Variants in HABP4 observed in about 807,000 individuals in gnomAD.
HABP4 encodes intracellular hyaluronan-binding protein 4.
Under a neutral mutation model 44.1 loss-of-function variants are expected in HABP4, and 32 were observed. The observed-to-expected ratio is 0.73, with a 90% CI of 0.55 to 0.97. HABP4 has a LOEUF of 0.97. Among genes scored for constraint, HABP4 ranks in the 50% least tolerant of loss-of-function variants. The pLI, the probability that HABP4 is intolerant of heterozygous loss-of-function variation, is 0.00. For synonymous variants in HABP4, 216 were observed against 218.0 expected, an observed-to-expected ratio of 0.99 and a Z score of 0.08; for missense variants, 503 against 561.9, an observed-to-expected ratio of 0.90 and a Z score of 1.06.
chr9:96,463,801 A>G (rs1036302420), intron 2 of HABP4, among the ~76,000 whole-genome samples: 1 of 152,186 alleles, frequency 6.6e-6, no homozygotes, highest in African/African-American at 2.4e-5. Flanking sequence ...GCGGTTTCTT[A>G]ATGTAACACT....
chr9:96,467,232 G>A (rs2131133551), intron 4 of HABP4, among the ~76,000 whole-genome samples: 1 of 152,052 alleles, frequency 6.6e-6, no homozygotes, highest in South Asian at 2.1e-4. Flanking sequence ...CAGAATATAA[G>A]CTTTTTACAT....
chr9:96,473,462 A>G (rs943727177), intron 5 of HABP4, among the ~76,000 whole-genome samples: 8 of 152,112 alleles, frequency 5.3e-5, no homozygotes, highest in Non-Finnish European at 1.0e-4. Context: ...CGTCTAAGCC[A>G]TTGTTATCTG....
At chr9:96,486,887 G>GCCCTTCCTGC (rs1832985072) in intron 6 of HABP4, among the ~76,000 whole-genome samples, 1 of 151,968 alleles carries the variant, frequency 6.6e-6, no homozygotes, top group South Asian at 2.1e-4. Context: ...CTGCCCCGAG[G>GCCCTTCCTGC]CCCTTCCTGC....
intron 5 of HABP4, among the ~76,000 whole-genome samples, chr9:96,481,867 A>C (rs959370767): frequency 6.6e-6 from 1 of 152,116 alleles, no homozygotes; most frequent in African/African-American, 2.4e-5. Flanking sequence ...TTACCATTTT[A>C]ATATATATAA....
chr9:96,478,473 C>G (rs974045058), intron 5 of HABP4, among the ~76,000 whole-genome samples: 1 of 152,106 alleles, frequency 6.6e-6, no homozygotes. Context: ...TATACACTTT[C>G]ATTTCTCCTG....
At chr9:96,486,212 A>G (rs1002378101) in intron 6 of HABP4, among the ~76,000 whole-genome samples, 2 of 152,052 alleles carry the variant, frequency 1.3e-5, no homozygotes, top group African/African-American at 4.8e-5. Context: ...AAAAAAAAAG[A>G]TACAGGATTC....
intron 2 of HABP4, among the ~76,000 whole-genome samples, chr9:96,464,348 G>A (rs906668840): frequency 2.0e-5 from 3 of 152,198 alleles, no homozygotes; most frequent in Admixed American, 6.5e-5. Context: ...CTGCACTCCA[G>A]CCTGGGCAAC....
At chr9:96,456,045 ACT>A (rs1166841440) in intron 1 of HABP4, among the ~76,000 whole-genome samples, 1 of 152,124 alleles carries the variant, frequency 6.6e-6, no homozygotes, top group Non-Finnish European at 1.5e-5. Context: ...ACAGAGCGAG[ACT>A]CTGTCTCAAA....
At chr9:96,471,119 T>C (rs759933788) in intron 5 of HABP4, 25 bp downstream of exon 5, 2 of 1,183,722 alleles carry the variant, frequency 1.7e-6, no homozygotes, top group Admixed American at 1.7e-5. Context: ...TCATTCCCCA[T>C]TGTGGTGTTG....
chr9:96,484,509 C>G lies in HABP4; in HGVS notation c.875C>G (p.Thr292Ser). ...GAAGAAACCCAAGTTCAAGAGATGA[C>G]TTTAGATGAGTGGAAAAATCTTCAA... ...VEEETQVQEM[T>S]LDEWKNLQEQ... Residue 292 changes from threonine to serine, a missense_variant, in exon 6 of 8, where the codon ACT becomes AGT. Thr to Ser is a moderately conservative substitution (Grantham distance 58, BLOSUM62 1). Transcript: ENST00000375249. The G allele has an allele frequency of 1.2e-5, 19 of 1,580,224 alleles. No individual in the cohort carries two copies. The highest frequency in any genetic ancestry group is 1.7e-5 in the Non-Finnish European group (19 of 1,149,180).
At chr9:96,451,188 C>T (rs1832269864) in intron 1 of HABP4, among the ~76,000 whole-genome samples, 1 of 152,256 alleles carries the variant, frequency 6.6e-6, no homozygotes, top group South Asian at 2.1e-4. Flanking sequence ...CGTCCGGTAG[C>T]TTCCAGGAGG....
chr9:96,450,993 C>A lies in HABP4; in HGVS notation c.349+365C>A, dbSNP rs1804030265. On this transcript the variant is annotated intron_variant, in intron 1 of 7. Coordinates refer to ENST00000375249, the MANE Select transcript of HABP4 (RefSeq NM_014282.4). The surrounding 1 kb of genome is among the most constrained non-coding windows in gnomAD (Gnocchi z 4.8). ...CCTGGCGGGGACCTTCATCTTCCAG[C>A]CCAGCCTCTGCAAGATTGAGGTCGG... Among the ~76,000 whole-genome samples, 1 of 152,142 alleles carries A rather than the reference C, an allele frequency of 6.6e-6. No individual in the cohort carries two copies. The highest frequency in any genetic ancestry group is 2.1e-4 in the South Asian group (1 of 4,830).
At chr9:96,471,653 C>G (rs990946257) in intron 5 of HABP4, among the ~76,000 whole-genome samples, 1 of 152,126 alleles carries the variant, frequency 6.6e-6, no homozygotes, top group Non-Finnish European at 1.5e-5. Context: ...TGTTAAATTC[C>G]TTGACTTGGA....
chr9:96,465,038 G>C (rs1832575454), intron 2 of HABP4, among the ~76,000 whole-genome samples: 1 of 152,138 alleles, frequency 6.6e-6, no homozygotes, highest in Non-Finnish European at 1.5e-5. Flanking sequence ...TCTAGCACCT[G>C]CTTCTCCTGG....
chr9:96,453,087 A>AT (rs898977695), intron 1 of HABP4, among the ~76,000 whole-genome samples: 21,878 of 92,550 alleles, frequency 0.24, 4,553 homozygotes, highest in African/African-American at 0.33. Flanking sequence ...TGCCCGGCTA[A>AT]TTTTTTTTTT....
intron 6 of HABP4, 79 bp downstream of exon 6, chr9:96,484,712 C>A: frequency 2.6e-6 from 2 of 784,310 alleles, no homozygotes; most frequent in South Asian, 1.6e-5. Context: ...CCACTTCTGT[C>A]TTGAAAATGG....
chr9:96,451,495 G>C, intron 1 of HABP4: 1 of 984,058 alleles, frequency 1.0e-6, no homozygotes, highest in South Asian at 4.7e-5. Context: ...GGTTTGCAGA[G>C]TGTTAGGATT....
intron 5 of HABP4, among the ~76,000 whole-genome samples, chr9:96,477,527 A>ATCC (rs2131147791): frequency 6.6e-6 from 1 of 152,322 alleles, no homozygotes; most frequent in Non-Finnish European, 1.5e-5. Context: ...CATAACTGGA[A>ATCC]TACCATTACT....
At chr9:96,481,937 AC>A (rs1318631208) in intron 5 of HABP4, among the ~76,000 whole-genome samples, 1 of 141,046 alleles carries the variant, frequency 7.1e-6, no homozygotes, top group Non-Finnish European at 1.5e-5. Flanking sequence ...CATCTCTAGA[AC>A]TTTTTTTTTT....
Sources: allele counts gnomAD v4.1 joint callset (sites outside exome capture counted in the v4.1 genomes callset), GRCh38; gene constraint gnomAD v4.1.1; non-coding constraint Gnocchi (gnomAD v3.1); transcripts MANE v1.5; gene names NCBI Gene and HGNC (gene_info 2026-07-23, HGNC 2026-07-21).